IMPG1: variants seen among roughly 807,000 people sequenced by gnomAD.
IMPG1 encodes interphotoreceptor matrix proteoglycan 1.
IMPG1 carries 85 observed loss-of-function variants against 92.0 expected under a neutral mutation model. The ratio of observed to expected loss-of-function variants is 0.92; its 90% confidence interval spans 0.78 to 1.11. The LOEUF is 1.11. Among genes scored for constraint, IMPG1 ranks in the 50% least tolerant of loss-of-function variants. IMPG1 has a pLI of 0.00. For missense variants in IMPG1, 1,022 were observed against 956.0 expected (o/e 1.07, Z -0.91); for synonymous variants, 367 against 334.1 (o/e 1.10, Z -1.08).
intron 4 of IMPG1, among the ~76,000 whole-genome samples, chr6:76,031,948 C>T (rs1042085605): frequency 3.3e-5 from 5 of 152,224 alleles, no homozygotes; most frequent in Admixed American, 2.6e-4. Flanking sequence ...GGAAGCTGAG[C>T]TACTCAGTTC....
At chr6:75,954,447 T>C (rs956796988) in intron 12 of IMPG1, among the ~76,000 whole-genome samples, 1 of 152,220 alleles carries the variant, frequency 6.6e-6, no homozygotes, top group Non-Finnish European at 1.5e-5. Flanking sequence ...TTTGCCCACT[T>C]TTTGATGGGG....
rs75684056 is a variant in IMPG1, at chr6:76,048,141, G to A, written c.68-6015C>T. Among the ~76,000 whole-genome samples the A allele has an allele frequency of 7.3e-3, 1,116 of 152,302 alleles. 15 individuals are homozygous for A. Among genetic ancestry groups the A allele is most frequent in the African/African-American group, 0.025 (1,056 of 41,550 alleles). ...TCAATTATTGTACTTGACAGGCAAA[G>A]CCATAATCATGGTTAAATTCAACCC... On this transcript the variant is annotated intron_variant, in intron 1 of 16. Coordinates refer to ENST00000369950, the MANE Select transcript of IMPG1 (RefSeq NM_001563.4).
At chr6:75,973,285 C>T (rs1782452957) in intron 12 of IMPG1, among the ~76,000 whole-genome samples, 1 of 122,300 alleles carries the variant, frequency 8.2e-6, no homozygotes, top group Non-Finnish European at 1.8e-5. Context: ...TGGCTGCAAT[C>T]CTACTTTCCC....
chr6:76,058,017 G>T (rs1784149090), intron 1 of IMPG1, among the ~76,000 whole-genome samples: 1 of 151,914 alleles, frequency 6.6e-6, no homozygotes, highest in East Asian at 1.9e-4. Context: ...TAGGGTTGTG[G>T]TTTTTTTCAT....
intron 1 of IMPG1, among the ~76,000 whole-genome samples, chr6:76,063,030 C>A (rs2127598019): frequency 6.6e-6 from 1 of 151,638 alleles, no homozygotes; most frequent in South Asian, 2.1e-4. Flanking sequence ...ATAGTGAAAC[C>A]CTGCCTCTAC....
At chr6:75,995,594 C>T (rs73466834) in intron 12 of IMPG1, among the ~76,000 whole-genome samples, 10,072 of 152,186 alleles carry the variant, frequency 0.066, 943 homozygotes, top group African/African-American at 0.21. Context: ...CAATTGGCTA[C>T]ATAGAATTTA....
chr6:75,990,010 A>T (rs1782787989), intron 12 of IMPG1, among the ~76,000 whole-genome samples: 1 of 152,224 alleles, frequency 6.6e-6, no homozygotes, highest in Non-Finnish European at 1.5e-5. Flanking sequence ...AATATATACG[A>T]TTTATGAAAT....
chr6:76,005,325 T>A lies in IMPG1; in HGVS notation c.1097A>T (p.Glu366Val). Residue 366 changes from glutamate (E) to valine (V), a missense_variant, in exon 10 of 17, where the codon GAA becomes GTA. Physicochemically the swap from Glu to Val is moderately radical, Grantham distance 121. Around this residue, in one of 3 missense-constraint regions of IMPG1, gnomAD observed 681 missense variants for 583.6 expected, o/e 1.17. Coordinates refer to ENST00000369950, the MANE Select transcript of IMPG1 (RefSeq NM_001563.4). ...AATTGTCCCCACATCCAAAGATTGT[T>A]CTTCCTCTAGTGCTTTGCTGATCAG... ...KRLISKALEE[E>V]QSLDVGTIQF... 6.2e-7 allele frequency: 1 copy of A among 1,614,076 alleles called. No homozygotes were observed. Among genetic ancestry groups the A allele is most frequent in the South Asian group, 1.1e-5 (1 of 91,082 alleles).
intron 14 of IMPG1, among the ~76,000 whole-genome samples, chr6:75,945,798 A>C: frequency 6.6e-6 from 1 of 152,126 alleles, no homozygotes; most frequent in East Asian, 1.9e-4. Flanking sequence ...CTGGCAGTGC[A>C]CTCACAGCTT....
Position 75,931,073 on chromosome 6 carries a change from G to A in IMPG1, c.2123C>T (p.Ala708Val), listed in dbSNP as rs765332581. The A allele has an allele frequency of 5.6e-6, 9 of 1,614,016 alleles. No homozygotes were observed. The highest frequency in any genetic ancestry group is 5.3e-5 in the African/African-American group (4 of 74,916). ...ATATCCTGGTTTGCAGCGACACTCC[G>A]CTTCCTCAGTCCGTTCGTTCTTTAC... ...QCVKNERTEE[A>V]ECRCKPGYDS... Residue 708 changes from alanine (A) to valine (V), a missense_variant, in exon 15 of 17, where the codon GCG becomes GTG. Transcript: ENST00000369950.
Position 76,038,201 on chromosome 6 carries a change from T to A in IMPG1, c.302-3414A>T, listed in dbSNP as rs139421782. On this transcript the variant is annotated intron_variant, in intron 2 of 16. Coordinates refer to ENST00000369950, the MANE Select transcript of IMPG1 (RefSeq NM_001563.4). ...AGAGGTACTATTTTTGTTGTGTGCA[T>A]CTTCCTAGTTCTGCTCCTTTCCCTG... Among the ~76,000 whole-genome samples, 69 of 152,304 alleles carry A rather than the reference T, an allele frequency of 4.5e-4. 1 individual carries two copies. The Middle Eastern group carries it at 0.01, about 23-fold the overall frequency.
chr6:76,014,670 TCCAGGATA>T, intron 7 of IMPG1, among the ~76,000 whole-genome samples: 1 of 152,278 alleles, frequency 6.6e-6, no homozygotes, highest in Admixed American at 6.5e-5. Context: ...ATTTTTCTTC[TCCAGGATA>T]CCAGAGATGC....
intron 12 of IMPG1, among the ~76,000 whole-genome samples, chr6:75,993,249 CG>C (rs1562362236): frequency 6.6e-6 from 1 of 152,056 alleles, no homozygotes; most frequent in Admixed American, 6.6e-5. Flanking sequence ...ACATATGTAA[CG>C]GGGCATTGGT....
intron 8 of IMPG1, among the ~76,000 whole-genome samples, chr6:76,008,916 G>C (rs752593687): frequency 6.6e-6 from 1 of 152,056 alleles, no homozygotes; most frequent in Non-Finnish European, 1.5e-5. Context: ...CTGCTGATCT[G>C]TTTCCTGTTA....
intron 12 of IMPG1, among the ~76,000 whole-genome samples, chr6:75,962,053 G>A (rs985721810): frequency 1.3e-5 from 2 of 152,166 alleles, no homozygotes; most frequent in Non-Finnish European, 2.9e-5. Context: ...TTCATCTCAA[G>A]AGACAGGTAC....
At chr6:76,014,571 C>A (rs1244673726) in intron 7 of IMPG1, among the ~76,000 whole-genome samples, 1 of 152,170 alleles carries the variant, frequency 6.6e-6, no homozygotes, top group Non-Finnish European at 1.5e-5. Flanking sequence ...AGGGAATTTG[C>A]CATGCTATTT....
intron 12 of IMPG1, among the ~76,000 whole-genome samples, chr6:75,998,898 C>T (rs565033085): frequency 6.6e-6 from 1 of 152,222 alleles, no homozygotes; most frequent in Non-Finnish European, 1.5e-5. Context: ...GCTCTGTCAC[C>T]CAGACTGGAG....
chr6:75,950,548 C>A lies in IMPG1; in HGVS notation c.1824+14G>T. The A allele has an allele frequency of 6.4e-7, 1 of 1,567,302 alleles. No individual in the cohort carries two copies. The highest frequency in any genetic ancestry group is 1.2e-5 in the South Asian group (1 of 83,418). ...GAGACAAAGAATTGGGAATTGTGAG[C>A]AGTGCCCACTCACCAGCTGTGTGAA... On this transcript the variant is annotated intron_variant, in intron 13 of 16. Coordinates refer to ENST00000369950, the MANE Select transcript of IMPG1 (RefSeq NM_001563.4).
intron 1 of IMPG1, among the ~76,000 whole-genome samples, chr6:76,052,133 C>G (rs1469223001): frequency 1.3e-5 from 2 of 152,122 alleles, no homozygotes. Context: ...AGGAAGTTGC[C>G]TCTTTCGTGC....
Sources: gnomAD v4.1 joint callset for allele counts (sites outside exome capture counted in the v4.1 genomes callset) on GRCh38, gnomAD v4.1.1 for gene constraint, gnomAD v4.1.1 regional missense constraint, MANE v1.5 for transcripts, NCBI Gene and HGNC (gene_info 2026-07-23, HGNC 2026-07-21) for gene names.